SH3D19: variants seen among roughly 807,000 people sequenced by gnomAD.
SH3D19 encodes SH3 domain-containing protein 19.
In SH3D19, 58 loss-of-function variants were observed where a neutral mutation model predicts 112.1. The observed-to-expected ratio is 0.52, with a 90% confidence interval of 0.42 to 0.64. The LOEUF (loss-of-function observed/expected upper bound fraction) is 0.64. SH3D19 is among the 30% of genes least tolerant of loss of function. SH3D19 has a pLI of 0.00. For synonymous variants in SH3D19, 391 were observed against 448.5 expected (o/e 0.87, Z 1.62); for missense variants, 1,090 against 1,263.4 (o/e 0.86, Z 2.08).
chr4:151,296,151 T>C (rs1314415263), intron 1 of SH3D19, among the ~76,000 whole-genome samples: 1 of 152,200 alleles, frequency 6.6e-6, no homozygotes, highest in Non-Finnish European at 1.5e-5. Context: ...TGGTATGCGA[T>C]TTATAACTCA....
intron 1 of SH3D19, among the ~76,000 whole-genome samples, chr4:151,269,367 G>A (rs949556584): frequency 3.7e-4 from 57 of 152,108 alleles, no homozygotes; most frequent in Middle Eastern, 3.4e-3. Context: ...AGTAGGTTGC[G>A]AAAATTTTCT....
At chr4:151,207,185 T>G (rs1442116962) in intron 2 of SH3D19, among the ~76,000 whole-genome samples, 1 of 152,068 alleles carries the variant, frequency 6.6e-6, no homozygotes, top group Non-Finnish European at 1.5e-5. Flanking sequence ...TGAGATAAGA[T>G]TTAGTAGCAG....
chr4:151,220,127 A>G (rs1482048043), intron 2 of SH3D19, among the ~76,000 whole-genome samples: 1 of 152,122 alleles, frequency 6.6e-6, no homozygotes, highest in African/African-American at 2.4e-5. Flanking sequence ...TGCTTCAACA[A>G]CCTATTTCTA....
rs1000994589 is a variant in SH3D19, at chr4:151,156,521, A to G, written c.1755+2719T>C. Among the ~76,000 whole-genome samples the G allele has an allele frequency of 2.0e-5, 3 of 152,180 alleles. No individual in the cohort carries two copies. The South Asian group carries it at 6.2e-4, about 32-fold the overall frequency. ...ATAGAGAATCCAAAAATTAATCCACATATCTACAGCCAATCGATTTTTGAC... is the reference window on the plus strand; with the variant it reads ...ATAGAGAATCCAAAAATTAATCCACGTATCTACAGCCAATCGATTTTTGAC... On this transcript the variant is annotated intron_variant, in intron 9 of 19. Transcript: ENST00000604030.
rs376273449 is a variant in SH3D19 at position 151,276,095 on chromosome 4, G to A, written c.112+49146C>T. On this transcript the variant is annotated intron_variant, in intron 1 of 19. Coordinates refer to ENST00000604030, the MANE Select transcript of SH3D19 (RefSeq NM_001378122.1). The stretch of plus-strand genomic sequence containing the variant: ...TGACCTCAGGTGATCCACCCGCCTC[G>A]GCCTCCCAAAGTGCTGGGATTACAG... Among the ~76,000 whole-genome samples the A allele has an allele frequency of 4.7e-4, 72 of 151,860 alleles. 1 individual carries two copies. The South Asian group carries it at 0.014, about 29-fold the overall frequency.
At chr4:151,221,114 T>C (rs888896525) in intron 2 of SH3D19, among the ~76,000 whole-genome samples, 1 of 152,224 alleles carries the variant, frequency 6.6e-6, no homozygotes, top group Non-Finnish European at 1.5e-5. Context: ...ACAAGAATTA[T>C]GTTTTCCTTC....
intron 1 of SH3D19, among the ~76,000 whole-genome samples, chr4:151,306,850 A>G (rs1244370102): frequency 6.6e-6 from 1 of 152,202 alleles, no homozygotes; most frequent in African/African-American, 2.4e-5. Context: ...AACGTCAGCA[A>G]CACTGGACTT....
chr4:151,283,945 A>G (rs532981963), intron 1 of SH3D19, among the ~76,000 whole-genome samples: 67 of 152,180 alleles, frequency 4.4e-4, no homozygotes, highest in Non-Finnish European at 8.5e-4. Context: ...CATTATTTGC[A>G]TCGTCATTCC....
At chr4:151,291,273 C>A (rs771475997) in intron 1 of SH3D19, 2 of 1,613,952 alleles carry the variant, frequency 1.2e-6, no homozygotes, top group Non-Finnish European at 8.5e-7. Flanking sequence ...TTTCAAGAGC[C>A]AACAATCTAG....
At chr4:151,298,181 A>AT (rs386401883) in intron 1 of SH3D19, among the ~76,000 whole-genome samples, 4,292 of 94,800 alleles carry the variant, frequency 0.045, 390 homozygotes, top group African/African-American at 0.15. Context: ...AGAATAATAA[A>AT]TTTTTTTTTT....
At chr4:151,149,605 A>C in intron 9 of SH3D19, 44 bp from the exon 10 acceptor site, 1 of 1,564,898 alleles carries the variant, frequency 6.4e-7, no homozygotes, top group Non-Finnish European at 8.7e-7. Context: ...TTAATCTGAA[A>C]CAAGAACTTG....
intron 1 of SH3D19, among the ~76,000 whole-genome samples, chr4:151,317,248 C>G (rs1730078023): frequency 1.3e-5 from 2 of 152,206 alleles, no homozygotes; most frequent in African/African-American, 4.8e-5. Flanking sequence ...CTGCTGTAAA[C>G]TATGTCGGAA....
In SH3D19 at chr4:151,279,706, A is replaced by G; in HGVS notation, c.112+45535T>C. 5 of 1,283,954 alleles carry G rather than the reference A, an allele frequency of 3.9e-6. No individual in the cohort carries two copies. The South Asian group carries it at 6.6e-5, about 17-fold the overall frequency. The allele number at this position is 1,283,954 out of a possible 1,614,324, so 79.5% of individuals were successfully genotyped here. On this transcript the variant is annotated intron_variant, in intron 1 of 19. Coordinates refer to ENST00000604030, the MANE Select transcript of SH3D19 (RefSeq NM_001378122.1). ...TCTAGGGAGGGTTCAGGTCCTAGGA[A>G]TAGATGGGAGTTTGGGAATGATGAT...
At chr4:151,277,076 T>G in intron 1 of SH3D19, 1 of 906,752 alleles carries the variant, frequency 1.1e-6, no homozygotes, top group Middle Eastern at 2.4e-4. Context: ...GAGGAATCCA[T>G]CTAGGAGAAG....
At position 151,319,819 on chromosome 4, in the gene SH3D19, T is replaced by C. The variant is rs554969482; in HGVS notation, c.112+5422A>G. Among the ~76,000 whole-genome samples the C allele has an allele frequency of 5.9e-5, 9 of 152,286 alleles. No homozygotes were observed. In the East Asian group the frequency reaches 1.7e-3, roughly 29 times the overall value. On this transcript the variant is annotated intron_variant, in intron 1 of 19. Transcript: ENST00000604030. ...AGAAAAGCACCACATAAATGTAAAG[T>C]ACTTCTAGAATACAGCAAGCAGCAT...
At chr4:151,292,336 G>A (rs1775400082) in intron 1 of SH3D19, among the ~76,000 whole-genome samples, 1 of 150,840 alleles carries the variant, frequency 6.6e-6, no homozygotes, top group African/African-American at 2.4e-5. Context: ...GGAAGGAAAT[G>A]CATATATGTA....
chr4:151,181,960 A>G (rs1026407320), intron 3 of SH3D19, among the ~76,000 whole-genome samples: 1 of 151,770 alleles, frequency 6.6e-6, no homozygotes, highest in Non-Finnish European at 1.5e-5. Flanking sequence ...CACACACATA[A>G]CCAGTTGAAA....
intron 1 of SH3D19, among the ~76,000 whole-genome samples, chr4:151,270,394 T>C (rs1773150147): frequency 6.6e-6 from 1 of 152,216 alleles, no homozygotes. Flanking sequence ...CCATGTGATG[T>C]GCCTGCTCAC....
intron 1 of SH3D19, among the ~76,000 whole-genome samples, chr4:151,254,148 C>A (rs1206836262): frequency 6.6e-6 from 1 of 152,124 alleles, no homozygotes; most frequent in Non-Finnish European, 1.5e-5. Flanking sequence ...AAATGTCAGG[C>A]AAATGTAAAA....
Sources: allele counts gnomAD v4.1 joint callset (sites outside exome capture counted in the v4.1 genomes callset), GRCh38; gene constraint gnomAD v4.1.1; transcripts MANE v1.5; gene names NCBI Gene and HGNC (gene_info 2026-07-23, HGNC 2026-07-21).